The following FHL2 variants were observed in gnomAD, a reference collection of about 807,000 sequenced individuals.
FHL2 encodes four and a half LIM domains protein 2.
FHL2 carries 20 observed loss-of-function variants against 32.7 expected under a neutral mutation model. That is an observed-to-expected ratio of 0.61 (90% CI 0.43 to 0.89). FHL2 has a LOEUF of 0.89. Among genes scored for constraint, FHL2 ranks in the 40% least tolerant of loss-of-function variants. The pLI, the probability that FHL2 is intolerant of heterozygous loss-of-function variation, is 0.00. For synonymous variants in FHL2, 123 were observed against 128.1 expected, an observed-to-expected ratio of 0.96 and a Z score of 0.27; for missense variants, 311 against 358.6, an observed-to-expected ratio of 0.87 and a Z score of 1.07.
rs143582279 is a variant in FHL2, at chr2:105,393,359, T to C, written c.-25+3288A>G. On this transcript the variant is annotated intron_variant, in intron 2 of 6. Coordinates refer to ENST00000530340, the MANE Select transcript of FHL2 (RefSeq NM_001318895.3). ...GCCCTTCAACACATGCAAAAGCAGC[T>C]TCGGTAAGTCAGTCCCTGTATCTTT... is the stretch of plus-strand genomic sequence containing the variant. Among the ~76,000 whole-genome samples, 370 of 152,290 alleles carry C rather than the reference T, an allele frequency of 2.4e-3. 2 individuals carry two copies. The highest frequency in any genetic ancestry group is 7.9e-3 in the African/African-American group (327 of 41,556).
intron 1 of FHL2, among the ~76,000 whole-genome samples, chr2:105,422,972 C>T (rs1052283539): frequency 9.2e-5 from 14 of 152,190 alleles, no homozygotes; most frequent in African/African-American, 3.4e-4. Context: ...CCACTTCTTT[C>T]CTTTTCCTGC....
chr2:105,433,800 A>G (rs1684511058), intron 1 of FHL2, among the ~76,000 whole-genome samples: 1 of 152,192 alleles, frequency 6.6e-6, no homozygotes, highest in African/African-American at 2.4e-5. Flanking sequence ...TCTGGAATCC[A>G]AATCAGTCCT....
rs185234157 is a variant in FHL2 at position 105,390,972 on chromosome 2, T to C, written c.-24-4432A>G. Among the ~76,000 whole-genome samples the C allele has an allele frequency of 5.3e-5, 8 of 151,226 alleles. No individual in the cohort carries two copies. In the East Asian group the frequency reaches 1.6e-3, roughly 29 times the overall value. On this transcript the variant is annotated intron_variant, in intron 2 of 6. Coordinates refer to ENST00000530340, the MANE Select transcript of FHL2 (RefSeq NM_001318895.3). ...CCACCACACTCAGCTAATTTGTGTG[T>C]GTGTGTATGTGTGTGTGTGTATGTG...
intron 1 of FHL2, among the ~76,000 whole-genome samples, chr2:105,413,510 G>T (rs1313507135): frequency 1.3e-5 from 2 of 152,076 alleles, no homozygotes; most frequent in African/African-American, 4.8e-5. Context: ...TAGAGGCAGG[G>T]TTACCCGGGC....
chr2:105,401,333 G>A (rs1424319151), upstream of FHL2, among the ~76,000 whole-genome samples: 1 of 152,048 alleles, frequency 6.6e-6, no homozygotes, highest in Non-Finnish European at 1.5e-5. Flanking sequence ...TTTGGGGTGG[G>A]GAAATGGATA....
intron 1 of FHL2, among the ~76,000 whole-genome samples, chr2:105,424,971 G>A (rs770506522): frequency 6.6e-6 from 1 of 151,928 alleles, no homozygotes; most frequent in Non-Finnish European, 1.5e-5. Context: ...GTGTACCTAT[G>A]TAACAAACCT....
At chr2:105,427,937 G>C (rs1297500167) in intron 1 of FHL2, among the ~76,000 whole-genome samples, 1 of 152,184 alleles carries the variant, frequency 6.6e-6, no homozygotes, top group African/African-American at 2.4e-5. Context: ...GAATAACTGA[G>C]GAAAGTATGT....
downstream of FHL2, chr2:105,358,652 G>A (rs1376290966): frequency 6.6e-6 from 1 of 152,186 alleles, no homozygotes; most frequent in Non-Finnish European, 1.5e-5. Context: ...TTTGTTGTAT[G>A]CTTCTGGGGA....
intron 3 of FHL2, among the ~76,000 whole-genome samples, chr2:105,381,098 T>A (rs546702207): frequency 6.6e-6 from 1 of 152,170 alleles, no homozygotes; most frequent in East Asian, 1.9e-4. Flanking sequence ...AACGTCTGGC[T>A]CTCATCCTCC....
At chr2:105,374,968 A>G (rs529351894) in intron 3 of FHL2, among the ~76,000 whole-genome samples, 8 of 152,306 alleles carry the variant, frequency 5.3e-5, no homozygotes, top group African/African-American at 1.9e-4. Context: ...ATGGCCCTGA[A>G]GAAGAGCCTG....
At chr2:105,430,572 C>A (rs1386795177) in intron 1 of FHL2, among the ~76,000 whole-genome samples, 1 of 152,080 alleles carries the variant, frequency 6.6e-6, no homozygotes, top group Non-Finnish European at 1.5e-5. Context: ...GGAGGCTAAG[C>A]CATGAGAATC....
intron 1 of FHL2, among the ~76,000 whole-genome samples, chr2:105,417,702 AAAGAAAG>A (rs1683974659): frequency 6.7e-6 from 1 of 148,574 alleles, no homozygotes; most frequent in Non-Finnish European, 1.5e-5. Flanking sequence ...AAAAAAAAAA[AAAGAAAG>A]AAAGAATGAA....
intron 3 of FHL2, 191 bp downstream of exon 3, chr2:105,386,170 A>C: frequency 3.6e-6 from 2 of 555,786 alleles, no homozygotes; most frequent in South Asian, 3.1e-5. Flanking sequence ...GCCCTCACCC[A>C]GTGCTTGTGG....
chr2:105,371,494 C>A lies in FHL2; in HGVS notation c.331+2065G>T, dbSNP rs566644893. Among the ~76,000 whole-genome samples the A allele has an allele frequency of 2.7e-4, 41 of 151,880 alleles. No homozygotes were observed. In the South Asian group the frequency reaches 8.3e-3, roughly 31 times the overall value. On this transcript the variant is annotated intron_variant, in intron 4 of 6. Coordinates refer to ENST00000530340, the MANE Select transcript of FHL2 (RefSeq NM_001318895.3). ...TGAGCCTCCAGCCTGCTGCCCTGTT[C>A]TATAGATTCCAGACTTACCGCCTCC...
chr2:105,416,974 T>C (rs892356785), intron 1 of FHL2, among the ~76,000 whole-genome samples: 1 of 152,254 alleles, frequency 6.6e-6, no homozygotes, highest in Non-Finnish European at 1.5e-5. Flanking sequence ...AAACATCTTG[T>C]TGAACTCACG....
intron 3 of FHL2, chr2:105,378,052 G>A (rs9678542): frequency 4.2e-6 from 2 of 471,048 alleles, no homozygotes; most frequent in Admixed American, 2.3e-5. Context: ...AAAGCCACTA[G>A]ATGTCACCAC....
intron 2 of FHL2, among the ~76,000 whole-genome samples, chr2:105,391,279 G>C (rs988714737): frequency 4.6e-5 from 7 of 152,140 alleles, no homozygotes; most frequent in Non-Finnish European, 1.0e-4. Context: ...GTTATCTAGT[G>C]AGGAAAAGAG....
intron 3 of FHL2, among the ~76,000 whole-genome samples, chr2:105,379,432 C>T (rs1365970957): frequency 6.6e-6 from 1 of 152,200 alleles, no homozygotes; most frequent in Non-Finnish European, 1.5e-5. Context: ...TACCACTCTA[C>T]TTTTGTAGGT....
Position 105,381,948 on chromosome 2 carries a change from T to C in FHL2, c.156+4413A>G, listed in dbSNP as rs115150400. 7.7e-3 allele frequency among the ~76,000 whole-genome samples: 1,175 copies of C among 152,190 alleles called. 13 individuals are homozygous for C. Among genetic ancestry groups the C allele is most frequent in the African/African-American group, 0.027 (1,104 of 41,540 alleles). Reference sequence around the variant, plus strand: ...CACCGAGGACAGAAGGGTGGGTTTTTCAAACCTGACCTTACACCTTTCACT... The same window carrying C: ...CACCGAGGACAGAAGGGTGGGTTTTCCAAACCTGACCTTACACCTTTCACT... On this transcript the variant is annotated intron_variant, in intron 3 of 6. Transcript: ENST00000530340.
Sources: gnomAD v4.1 joint callset for allele counts (sites outside exome capture counted in the v4.1 genomes callset) on GRCh38, gnomAD v4.1.1 for gene constraint, MANE v1.5 for transcripts, NCBI Gene and HGNC (gene_info 2026-07-23, HGNC 2026-07-21) for gene names.